ROBO1: variants seen among roughly 807,000 people sequenced by gnomAD.
ROBO1 encodes roundabout guidance receptor 1, also known as roundabout homolog 1.
A neutral mutation model predicts 195.9 loss-of-function variants in ROBO1; 149 were observed. The observed-to-expected ratio is 0.76, with a 90% confidence interval of 0.67 to 0.87. The LOEUF (loss-of-function observed/expected upper bound fraction) is 0.87, where lower values mean the gene tolerates loss of function less well. ROBO1 is among the 40% of genes least tolerant of loss of function. The pLI is 0.00. For synonymous variants in ROBO1, 816 were observed against 733.2 expected, an observed-to-expected ratio of 1.11 and a Z score of -1.82; for missense variants, 1,933 against 2,068.3, an observed-to-expected ratio of 0.93 and a Z score of 1.27.
chr3:79,365,896 CAAAAAA>C lies in ROBO1; in HGVS notation c.88+223922_88+223927del, dbSNP rs5850423. 4.4e-3 allele frequency among the ~76,000 whole-genome samples: 558 copies of C among 126,446 alleles called. 3 individuals carry two copies. The highest frequency in any genetic ancestry group is 9.0e-3 in the Middle Eastern group (2 of 222). The allele number at this position is 126,446 out of a possible 152,430, so 83.0% of individuals were successfully genotyped here. ...TGGGCGACACAGCAAGACTCCGTCT[CAAAAAA>C]AAAAAAAAAAGAGTACTACTTTTCA... On this transcript the variant is annotated intron_variant, in intron 2 of 30. Transcript: ENST00000464233.
rs191755483 is a variant in ROBO1 at position 78,632,790 on chromosome 3, A to G, written c.3481+1145T>C. Among the ~76,000 whole-genome samples, 451 of 152,330 alleles carry G rather than the reference A, an allele frequency of 3.0e-3. 5 individuals are homozygous for G. Among genetic ancestry groups the G allele is most frequent in the Admixed American group, 2.5e-3 (38 of 15,280 alleles). On this transcript the variant is annotated intron_variant, in intron 24 of 30. Transcript: ENST00000464233. ...AGATATGGTTTTCTCTATGTGACTA[A>G]AAATTCAAAGATCAAATGGCATAAG... is the stretch of plus-strand genomic sequence containing the variant.
intron 4 of ROBO1, among the ~76,000 whole-genome samples, chr3:78,816,773 C>T (rs1216004927): frequency 6.6e-6 from 1 of 152,122 alleles, no homozygotes; most frequent in Non-Finnish European, 1.5e-5. Context: ...GATGATGCGA[C>T]TGAATTGCTG....
chr3:79,762,918 T>C (rs1704791165), intron 1 of ROBO1, among the ~76,000 whole-genome samples: 2 of 152,176 alleles, frequency 1.3e-5, no homozygotes, highest in African/African-American at 4.8e-5. Flanking sequence ...AATTTTTTTT[T>C]TCTTTTCACT....
chr3:79,077,024 T>C (rs1293880569), intron 3 of ROBO1, among the ~76,000 whole-genome samples: 1 of 151,954 alleles, frequency 6.6e-6, no homozygotes, highest in Non-Finnish European at 1.5e-5. Flanking sequence ...AGATGGACTA[T>C]ATTCAAGGTG....
intron 3 of ROBO1, among the ~76,000 whole-genome samples, chr3:79,056,753 T>G (rs2078817250): frequency 6.6e-6 from 1 of 152,032 alleles, no homozygotes; most frequent in African/African-American, 2.4e-5. Flanking sequence ...GTGTACAGCT[T>G]TCTCAGCCTT....
At chr3:79,392,549 G>A (rs1341068121) in intron 2 of ROBO1, among the ~76,000 whole-genome samples, 1 of 151,940 alleles carries the variant, frequency 6.6e-6, no homozygotes, top group Non-Finnish European at 1.5e-5. Context: ...TATTCCAAAC[G>A]CAGGTGGCAT....
intron 2 of ROBO1, among the ~76,000 whole-genome samples, chr3:79,266,909 T>G (rs778282949): frequency 4.6e-5 from 7 of 151,634 alleles, no homozygotes; most frequent in African/African-American, 1.4e-4. Context: ...TCCCATATAA[T>G]GTAGAATAAA....
At chr3:79,057,606 C>G (rs1213042439) in intron 3 of ROBO1, among the ~76,000 whole-genome samples, 1 of 152,030 alleles carries the variant, frequency 6.6e-6, no homozygotes, top group African/African-American at 2.4e-5. Context: ...AAAAATTTCA[C>G]CATTTCTATT....
chr3:79,618,454 G>A (rs1471160293), intron 1 of ROBO1, among the ~76,000 whole-genome samples: 2 of 151,924 alleles, frequency 1.3e-5, no homozygotes, highest in Non-Finnish European at 2.9e-5. Flanking sequence ...CACCCTAACT[G>A]ATCAACTGAC....
chr3:79,310,334 C>T (rs1218841552), intron 2 of ROBO1, among the ~76,000 whole-genome samples: 1 of 152,112 alleles, frequency 6.6e-6, no homozygotes, highest in Non-Finnish European at 1.5e-5. Context: ...AAAGTGTGCG[C>T]CCTCACCTTC....
At chr3:79,069,282 A>G (rs2079050427) in intron 3 of ROBO1, among the ~76,000 whole-genome samples, 1 of 151,806 alleles carries the variant, frequency 6.6e-6, no homozygotes, top group Non-Finnish European at 1.5e-5. Flanking sequence ...CTATATATCT[A>G]TGTATTTATT....
At chr3:79,551,063 C>T (rs1576010328) in intron 2 of ROBO1, among the ~76,000 whole-genome samples, 1 of 152,188 alleles carries the variant, frequency 6.6e-6, no homozygotes, top group African/African-American at 2.4e-5. Context: ...AAGGACTTTG[C>T]CAGATGTTGG....
intron 2 of ROBO1, among the ~76,000 whole-genome samples, chr3:79,536,424 G>C (rs182015309): frequency 6.7e-6 from 1 of 148,326 alleles, no homozygotes; most frequent in African/African-American, 2.5e-5. Flanking sequence ...ATCGCTTTCT[G>C]TCAATAGATT....
In ROBO1 at chr3:78,932,769, A is replaced by G. The variant is rs538189782; in HGVS notation, c.499+5832T>C. Among the ~76,000 whole-genome samples, 43 of 152,282 alleles carry G rather than the reference A, an allele frequency of 2.8e-4. 1 individual carries two copies. The South Asian group carries it at 8.1e-3, about 29-fold the overall frequency. On this transcript the variant is annotated intron_variant, in intron 4 of 30. Coordinates refer to ENST00000464233, the MANE Select transcript of ROBO1 (RefSeq NM_002941.4). ...AAAAAGACTAGACGGATACACACCC[A>G]AAGTTCAATAGTAGTTATCTCTGGA...
Position 79,303,159 on chromosome 3 carries a change from G to GTTTTTTTTT in ROBO1, c.89-177621_89-177620insAAAAAAAAA, listed in dbSNP as rs368110549. 3.5e-4 allele frequency among the ~76,000 whole-genome samples: 25 copies of GTTTTTTTTT among 72,092 alleles called. 5 individuals are homozygous for GTTTTTTTTT. Among genetic ancestry groups the GTTTTTTTTT allele is most frequent in the African/African-American group, 3.2e-4 (5 of 15,672 alleles). 47.3% of individuals were successfully genotyped at this position (72,092 alleles called of 152,430 possible). Reference sequence around the variant, plus strand: ...ATTAATATATGAATTATCTCACATAGGTTTTTTTTTTTTTTTTTTTTTTTG... The same window carrying GTTTTTTTTT: ...ATTAATATATGAATTATCTCACATAGTTTTTTTTTGTTTTTTTTTTTTTTTTTTTTTTTG... On this transcript the variant is annotated intron_variant, in intron 2 of 30. Coordinates refer to ENST00000464233, the MANE Select transcript of ROBO1 (RefSeq NM_002941.4).
At position 79,569,589 on chromosome 3, in the gene ROBO1, C is replaced by T. The variant is rs75124445; in HGVS notation, c.88+20235G>A. Among the ~76,000 whole-genome samples the T allele has an allele frequency of 6.0e-4, 90 of 150,652 alleles. No individual in the cohort carries two copies. The East Asian group carries it at 0.017, about 29-fold the overall frequency. On this transcript the variant is annotated intron_variant, in intron 2 of 30. Coordinates refer to ENST00000464233, the MANE Select transcript of ROBO1 (RefSeq NM_002941.4). Reference sequence around the variant, plus strand: ...ATGAAATCTGTCAACATAGTAAATGCGAGAATTGGTAAGTATTAATAAGAC... The same window carrying T: ...ATGAAATCTGTCAACATAGTAAATGTGAGAATTGGTAAGTATTAATAAGAC...
intron 8 of ROBO1, among the ~76,000 whole-genome samples, chr3:78,699,395 CAAAAAA>C (rs60574193): frequency 2.5e-4 from 21 of 83,052 alleles, no homozygotes; most frequent in Admixed American, 3.3e-4. Context: ...ACTAAAAATA[CAAAAAA>C]AAAAAAAAAA....
chr3:78,732,244 G>A (rs968112058), intron 5 of ROBO1, among the ~76,000 whole-genome samples: 4 of 151,888 alleles, frequency 2.6e-5, no homozygotes, highest in South Asian at 4.1e-4. Context: ...TTTTTAAAAC[G>A]TATAGATCCC....
At chr3:79,511,374 G>T (rs1314028607) in intron 2 of ROBO1, among the ~76,000 whole-genome samples, 1 of 152,076 alleles carries the variant, frequency 6.6e-6, no homozygotes, top group African/African-American at 2.4e-5. Context: ...AGAAAATTTG[G>T]ATTCCTTTGG....
Sources: allele counts gnomAD v4.1 joint callset (sites outside exome capture counted in the v4.1 genomes callset), GRCh38; gene constraint gnomAD v4.1.1; transcripts MANE v1.5; gene names NCBI Gene and HGNC (gene_info 2026-07-23, HGNC 2026-07-21).